KBTBD12: variants seen among roughly 807,000 people sequenced by gnomAD.
KBTBD12 encodes the protein kelch repeat and BTB domain containing 12.
KBTBD12 carries 53 observed loss-of-function variants against 58.7 expected under a neutral mutation model. That is an observed-to-expected ratio of 0.90 (90% CI 0.72 to 1.14). The LOEUF (loss-of-function observed/expected upper bound fraction) is 1.14. KBTBD12 is among the 50% of genes most tolerant of loss of function. The probability of loss-of-function intolerance (pLI) is 0.00; values close to 1 mark genes in which losing one functional copy is unlikely to be tolerated. For synonymous variants in KBTBD12, 236 were observed against 259.8 expected (o/e 0.91, Z 0.88); for missense variants, 704 against 751.3 (o/e 0.94, Z 0.74).
chr3:127,923,943 T>C lies in KBTBD12; in HGVS notation c.882T>C (p.Tyr294=), dbSNP rs779806140. The part of the protein sequence containing the change: ...SSGIRSRHRS[Y]GDASFCYDPV... The stretch of plus-strand genomic sequence containing the variant: ...GAATCAGATCAAGACATAGGAGCTA[T>C]GGGGATGCCAGTTTTTGTTATGATC... The change falls in exon 2 of 6, where the codon TAT becomes TAC. Residue 294 remains tyrosine (Y), a synonymous_variant. Transcript: ENST00000405109. 3.1e-6 allele frequency: 5 copies of C among 1,613,774 alleles called. No homozygotes were observed. In the African/African-American group the frequency reaches 6.7e-5, roughly 22 times the overall value.
At chr3:127,976,116 T>C (rs1212501298) in intron 5 of KBTBD12, among the ~76,000 whole-genome samples, 2 of 152,214 alleles carry the variant, frequency 1.3e-5, no homozygotes, top group Non-Finnish European at 2.9e-5. Flanking sequence ...GCTGCATACA[T>C]CACACAATTT....
chr3:127,959,650 G>A (rs955487020), intron 4 of KBTBD12, among the ~76,000 whole-genome samples: 4 of 152,202 alleles, frequency 2.6e-5, no homozygotes, highest in African/African-American at 7.2e-5. Context: ...TTTACACACC[G>A]TGCATGAGAA....
In KBTBD12 at chr3:127,924,009, C is replaced by G. The variant is rs762009825; in HGVS notation, c.948C>G (p.Tyr316Ter). Reference protein sequence around the residue: ...RKTYFISSPKYGEGLGTVCTG... With the variant: ...RKTYFISSPK ...CCTATTTCATCTCATCTCCCAAGTA[C>G]GGAGAGGGTTTAGGAACTGTGTGTA... Residue 316 changes from tyrosine to a stop codon, truncating the protein, a stop_gained, in exon 2 of 6, where the codon TAC (tyrosine) becomes TAG (stop). Coordinates refer to ENST00000405109, the MANE Select transcript of KBTBD12 (RefSeq NM_207335.4). LOFTEE classifies it high-confidence loss of function. 6.2e-7 allele frequency: 1 copy of G among 1,613,544 alleles called. No individual in the cohort carries two copies. The highest frequency in any genetic ancestry group is 1.1e-5 in the South Asian group (1 of 91,064).
At chr3:127,980,945 T>C (rs940381903) in intron 5 of KBTBD12, among the ~76,000 whole-genome samples, 2 of 149,090 alleles carry the variant, frequency 1.3e-5, no homozygotes, top group African/African-American at 2.5e-5. Flanking sequence ...TTAGAAACAA[T>C]AATACAATTA....
intron 4 of KBTBD12, among the ~76,000 whole-genome samples, chr3:127,950,491 C>T (rs1446641928): frequency 2.6e-5 from 4 of 152,106 alleles, no homozygotes; most frequent in Non-Finnish European, 1.5e-5. Context: ...GTCAAATAGA[C>T]TAATAATGTC....
At chr3:127,941,274 C>A (rs1230969281) in intron 4 of KBTBD12, among the ~76,000 whole-genome samples, 1 of 152,094 alleles carries the variant, frequency 6.6e-6, no homozygotes, top group African/African-American at 2.4e-5. Context: ...ACATGCAAAT[C>A]CTTAACAAAA....
chr3:127,956,184 G>A (rs1559769886), intron 4 of KBTBD12, among the ~76,000 whole-genome samples: 1 of 152,102 alleles, frequency 6.6e-6, no homozygotes, highest in Admixed American at 6.5e-5. Context: ...CATATGAGGG[G>A]TTTTAAACCT....
At position 127,930,924 on chromosome 3, in the gene KBTBD12, G is replaced by C. The variant is rs114267805; in HGVS notation, c.1492+641G>C. Among the ~76,000 whole-genome samples, 119 of 152,150 alleles carry C rather than the reference G, an allele frequency of 7.8e-4. 1 individual carries two copies. In the Middle Eastern group the frequency reaches 0.01, roughly 13 times the overall value. On this transcript the variant is annotated intron_variant, in intron 4 of 5. Coordinates refer to ENST00000405109, the MANE Select transcript of KBTBD12 (RefSeq NM_207335.4). Reference sequence around the variant, plus strand: ...CCTTCTCCATTCCTTGATTTTTCCTGTTTTGTTAAGTCCTTAGCTCTTTTA... The same window carrying C: ...CCTTCTCCATTCCTTGATTTTTCCTCTTTTGTTAAGTCCTTAGCTCTTTTA...
chr3:127,936,610 T>A (rs1477292639), intron 4 of KBTBD12, among the ~76,000 whole-genome samples: 9 of 152,174 alleles, frequency 5.9e-5, no homozygotes, highest in Non-Finnish European at 1.2e-4. Flanking sequence ...GTATCTAAGT[T>A]GTCTCAATAA....
chr3:127,932,307 C>T (rs7628097), intron 4 of KBTBD12, among the ~76,000 whole-genome samples: 28,087 of 152,034 alleles, frequency 0.18, 3,040 homozygotes, highest in South Asian at 0.35. Context: ...GTTGTTTAGG[C>T]ATTTTTGTAG....
intron 4 of KBTBD12, among the ~76,000 whole-genome samples, chr3:127,932,626 G>A (rs1405922776): frequency 1.3e-5 from 2 of 152,118 alleles, no homozygotes; most frequent in African/African-American, 4.8e-5. Context: ...GGTAAAGTAG[G>A]GAAGACACTA....
intron 4 of KBTBD12, among the ~76,000 whole-genome samples, chr3:127,936,031 G>C (rs756873661): frequency 6.6e-6 from 1 of 151,942 alleles, no homozygotes; most frequent in Non-Finnish European, 1.5e-5. Flanking sequence ...AATTATAAAC[G>C]TGTCATACCT....
chr3:127,982,389 C>T (rs1940888626), intron 5 of KBTBD12, among the ~76,000 whole-genome samples: 1 of 152,158 alleles, frequency 6.6e-6, no homozygotes, highest in Non-Finnish European at 1.5e-5. Context: ...GGCCCCCACA[C>T]CCCGGGAGAC....
intron 1 of KBTBD12, among the ~76,000 whole-genome samples, chr3:127,916,023 C>CT (rs1939227087): frequency 6.6e-6 from 1 of 152,224 alleles, no homozygotes; most frequent in African/African-American, 2.4e-5. Context: ...GAGCAACTCT[C>CT]TTAACTTTAA....
chr3:127,915,501 C>T lies in KBTBD12; in HGVS notation c.-198C>T, dbSNP rs1939208911. 2 of 152,454 alleles carry T rather than the reference C, an allele frequency of 1.3e-5. No homozygotes were observed. Among genetic ancestry groups the T allele is most frequent in the South Asian group, 4.1e-4 (2 of 4,838 alleles). 9.4% of individuals were successfully genotyped at this position (152,454 alleles called of 1,614,324 possible). On this transcript the variant is annotated 5_prime_UTR_variant, in exon 1 of 6. Coordinates refer to ENST00000405109, the MANE Select transcript of KBTBD12 (RefSeq NM_207335.4). The stretch of plus-strand genomic sequence containing the variant: ...TATTGGGCAGTGGCCTCAGTCAGGC[C>T]CGCTGGCCGCCCTGCCACACGGTAG...
intron 5 of KBTBD12, among the ~76,000 whole-genome samples, chr3:127,974,223 G>A (rs1043506866): frequency 3.9e-5 from 6 of 152,150 alleles, no homozygotes; most frequent in South Asian, 2.1e-4. Context: ...GCCCAGCTTC[G>A]TAGCCACCAA....
At chr3:127,967,784 G>C (rs1043648112) in intron 5 of KBTBD12, among the ~76,000 whole-genome samples, 1 of 152,198 alleles carries the variant, frequency 6.6e-6, no homozygotes, top group African/African-American at 2.4e-5. Context: ...AGAATAACAA[G>C]AGAGTATTAA....
chr3:127,951,065 C>A (rs1940194323), intron 4 of KBTBD12, among the ~76,000 whole-genome samples: 1 of 152,140 alleles, frequency 6.6e-6, no homozygotes, highest in African/African-American at 2.4e-5. Flanking sequence ...TTGTACTTTA[C>A]ACCAGGAACA....
At chr3:127,940,633 A>G (rs7633427) in intron 4 of KBTBD12, among the ~76,000 whole-genome samples, 152,205 of 152,212 alleles carry the variant, frequency 1, 76,099 homozygotes, top group Middle Eastern at 1. Flanking sequence ...AAGTTCTCAC[A>G]TCTATAGTCT....
Sources: allele counts gnomAD v4.1 joint callset (sites outside exome capture counted in the v4.1 genomes callset), GRCh38; gene constraint gnomAD v4.1.1; transcripts MANE v1.5; gene names NCBI Gene and HGNC (gene_info 2026-07-23, HGNC 2026-07-21).